PRRC2C: variants seen among roughly 807,000 people sequenced by gnomAD.
PRRC2C encodes protein PRRC2C.
A neutral mutation model predicts 317.2 loss-of-function variants in PRRC2C; 72 were observed. That is an observed-to-expected ratio of 0.23 (90% CI 0.19 to 0.28). The LOEUF (loss-of-function observed/expected upper bound fraction) is 0.28, where lower values mean the gene tolerates loss of function less well. PRRC2C is among the 10% of genes least tolerant of loss of function. The pLI is 1.00. For missense variants in PRRC2C, 3,074 were observed against 3,459.7 expected (o/e 0.89, Z 2.80); for synonymous variants, 1,296 against 1,205.9 (o/e 1.07, Z -1.55).
chr1:171,583,753 C>T (rs1167473992), intron 28 of PRRC2C, among the ~76,000 whole-genome samples: 1 of 152,110 alleles, frequency 6.6e-6, no homozygotes, highest in African/African-American at 2.4e-5. Flanking sequence ...GATATTAGAA[C>T]AGCTATGATG....
chr1:171,497,935 C>T (rs561425492), intron 1 of PRRC2C, among the ~76,000 whole-genome samples: 1 of 150,828 alleles, frequency 6.6e-6, no homozygotes, highest in South Asian at 2.1e-4. Context: ...CCATCTTGGC[C>T]TGCCAAGTAG....
Position 171,523,650 on chromosome 1 carries a change from T to C in PRRC2C, c.1055+128T>C, listed in dbSNP as rs115755487. ...TAGAATTTATATATTCTCAGAAGTT[T>C]TACTGAATAGAGGGTGCTTAATGAG... On this transcript the variant is annotated intron_variant, in intron 9 of 34. Transcript: ENST00000647382. 1.2e-3 allele frequency: 1,044 copies of C among 841,910 alleles called. 9 individuals are homozygous for C. The African/African-American group carries it at 0.014, about 11-fold the overall frequency. The allele number at this position is 841,910 out of a possible 1,614,324, so 52.2% of individuals were successfully genotyped here. A position where few individuals can be genotyped will look rare whatever the true frequency, so the allele number is the denominator to read the frequency against.
intron 30 of PRRC2C, among the ~76,000 whole-genome samples, chr1:171,585,739 C>G (rs1427455541): frequency 6.6e-6 from 1 of 152,172 alleles, no homozygotes; most frequent in Non-Finnish European, 1.5e-5. Context: ...TTTCTATTCT[C>G]TTCACTACAA....
At chr1:171,525,806 C>T (rs1195482962) in intron 10 of PRRC2C, among the ~76,000 whole-genome samples, 1 of 152,106 alleles carries the variant, frequency 6.6e-6, no homozygotes, top group Non-Finnish European at 1.5e-5. Flanking sequence ...ATAGCTGTTA[C>T]AAGCAGTGGA....
Position 171,574,757 on chromosome 1 carries a change from A to G in PRRC2C, c.6754-170A>G, listed in dbSNP as rs540283117. Among the ~76,000 whole-genome samples, 177 of 152,344 alleles carry G rather than the reference A, an allele frequency of 1.2e-3. 2 individuals are homozygous for G. The South Asian group carries it at 0.014, about 12-fold the overall frequency. On this transcript the variant is annotated intron_variant, in intron 24 of 34. Transcript: ENST00000647382. ...GAGCAAAGATAAAGAGGCAAATGGA[A>G]AGTCTGAAATCCCTAGGGTCTTAGG...
intron 1 of PRRC2C, chr1:171,509,444 A>T (rs1670893714): frequency 6.6e-6 from 1 of 152,210 alleles, no homozygotes; most frequent in Non-Finnish European, 1.5e-5. Flanking sequence ...GGAAGTGGGG[A>T]TAGGATGAAG....
chr1:171,588,923 C>T (rs1402687773), intron 33 of PRRC2C, among the ~76,000 whole-genome samples: 1 of 152,216 alleles, frequency 6.6e-6, no homozygotes, highest in Non-Finnish European at 1.5e-5. Context: ...GTTGGCTTCT[C>T]TTCCCCTTGC....
rs1572170515 is a variant in PRRC2C at position 171,588,516 on chromosome 1, A to G, written c.8199+11A>G. The G allele has an allele frequency of 6.2e-7, 1 of 1,612,126 alleles. No homozygotes were observed. The highest frequency in any genetic ancestry group is 8.5e-7 in the Non-Finnish European group (1 of 1,178,498). On this transcript the variant is annotated intron_variant, in intron 33 of 34. Coordinates refer to ENST00000647382, the MANE Select transcript of PRRC2C (RefSeq NM_001387844.1). ...CAGTTTGCACCCCAGGTGGGCAGACATAATTAAGAAATGAGTATTATTTAC... is the reference window on the plus strand; with the variant it reads ...CAGTTTGCACCCCAGGTGGGCAGACGTAATTAAGAAATGAGTATTATTTAC...
rs139995932 is a variant in PRRC2C at position 171,532,638 on chromosome 1, G to A, written c.1550G>A (p.Arg517His). 124 of 1,551,672 alleles carry A rather than the reference G, an allele frequency of 8.0e-5. No individual in the cohort carries two copies. The African/African-American group carries it at 1.2e-3, about 16-fold the overall frequency. ...REREREKEREREKELEKEQEQ... is the reference protein window; with the variant it reads ...REREREKEREHEKELEKEQEQ... ...AGGGAGCGAGAAAAAGAACGGGAGC[G>A]TGAGAAAGAACTTGAAAAAGAACAA... Residue 517 changes from arginine (R) to histidine (H), a missense_variant, in exon 12 of 35, where the codon CGT (arginine) becomes CAT (histidine). Around this residue, in one of 11 missense-constraint regions of PRRC2C, gnomAD observed 1,320 missense variants for 1,395.7 expected, o/e 0.95. Transcript: ENST00000647382.
chr1:171,540,623 G>A lies in PRRC2C; in HGVS notation c.3157G>A (p.Glu1053Lys). ...CACTGAAAAAGTAGTTGTAAAGCCT[G>A]AAAAGACGGAAAAGAAGGATCTTCC... is the stretch of plus-strand genomic sequence containing the variant. ...KVTEKVVVKP[E>K]KTEKKDLPPP... The change falls in exon 16 of 35, where the codon GAA becomes AAA. Residue 1053 changes from glutamate (E) to lysine (K), a missense_variant. Transcript: ENST00000647382. The A allele has an allele frequency of 1.9e-6, 3 of 1,613,910 alleles. No individual in the cohort carries two copies. Among genetic ancestry groups the A allele is most frequent in the Non-Finnish European group, 2.5e-6 (3 of 1,179,862 alleles).
chr1:171,523,206 C>A lies in PRRC2C; in HGVS notation c.834-15C>A. ...ATAAACTTTTGTATCTTTTCCATGA[C>A]CTGCCTTTCATTAGAGGCCTTCGAG... On this transcript the variant is annotated splice_polypyrimidine_tract_variant and intron_variant, in intron 7 of 34. Coordinates refer to ENST00000647382, the MANE Select transcript of PRRC2C (RefSeq NM_001387844.1). 6.3e-7 allele frequency: 1 copy of A among 1,590,222 alleles called. No individual in the cohort carries two copies. The highest frequency in any genetic ancestry group is 8.5e-7 in the Non-Finnish European group (1 of 1,171,880).
chr1:171,523,389 T>C (rs1329392923), intron 8 of PRRC2C, 35 bp downstream of exon 8: 8 of 1,613,692 alleles, frequency 5.0e-6, no homozygotes, highest in Non-Finnish European at 6.8e-6. Flanking sequence ...CTTTAAATTG[T>C]TAGATGCTTT....
rs569173206 is a variant in PRRC2C at position 171,567,781 on chromosome 1, C to G, written c.6559-466C>G. Among the ~76,000 whole-genome samples, 5 of 152,306 alleles carry G rather than the reference C, an allele frequency of 3.3e-5. No homozygotes were observed. The South Asian group carries it at 1.0e-3, about 32-fold the overall frequency. On this transcript the variant is annotated intron_variant, in intron 22 of 34. Transcript: ENST00000647382. ...AAATGCTATCATTTTGATCGTGAGT[C>G]CATGTTGTATTATTCCATTGTTAGT... is the stretch of plus-strand genomic sequence containing the variant.
chr1:171,535,354 A>C lies in PRRC2C; in HGVS notation c.1874-74A>C, dbSNP rs1265157104. 4 of 1,335,364 alleles carry C rather than the reference A, an allele frequency of 3.0e-6. No homozygotes were observed. In the Admixed American group the frequency reaches 7.7e-5, roughly 26 times the overall value. The allele number at this position is 1,335,364 out of a possible 1,614,324, so 82.7% of individuals were successfully genotyped here. ...TCCTCATTAACTTTTATTATACCTCAGTCTTTGTAAAAATCCTGTGTTTGA... is the reference window on the plus strand; with the variant it reads ...TCCTCATTAACTTTTATTATACCTCCGTCTTTGTAAAAATCCTGTGTTTGA... On this transcript the variant is annotated intron_variant, in intron 12 of 34. Transcript: ENST00000647382.
intron 18 of PRRC2C, among the ~76,000 whole-genome samples, chr1:171,556,273 C>G (rs936475866): frequency 1.3e-5 from 2 of 152,238 alleles, no homozygotes; most frequent in South Asian, 4.1e-4. Flanking sequence ...TTGCTAAGAC[C>G]GTTGGAAAAG....
intron 23 of PRRC2C, among the ~76,000 whole-genome samples, chr1:171,569,706 A>G (rs1029769222): frequency 1.3e-5 from 2 of 150,082 alleles, no homozygotes; most frequent in African/African-American, 2.4e-5. Context: ...CACTGTCTAG[A>G]TTATGAAATA....
At position 171,588,510 on chromosome 1, in the gene PRRC2C, G is replaced by A. The variant is rs748601368; in HGVS notation, c.8199+5G>A. 1.9e-5 allele frequency: 31 copies of A among 1,612,576 alleles called. No individual in the cohort carries two copies. Among genetic ancestry groups the A allele is most frequent in the Non-Finnish European group, 2.5e-5 (29 of 1,179,150 alleles). ...CCTACACAGTTTGCACCCCAGGTGGGCAGACATAATTAAGAAATGAGTATT... is the reference window on the plus strand; with the variant it reads ...CCTACACAGTTTGCACCCCAGGTGGACAGACATAATTAAGAAATGAGTATT... On this transcript the variant is annotated splice_donor_5th_base_variant and intron_variant, in intron 33 of 34. Coordinates refer to ENST00000647382, the MANE Select transcript of PRRC2C (RefSeq NM_001387844.1).
In PRRC2C at chr1:171,567,650, A is replaced by G. The variant is rs144225604; in HGVS notation, c.6559-597A>G. Among the ~76,000 whole-genome samples the G allele has an allele frequency of 4.4e-3, 672 of 152,330 alleles. 5 individuals are homozygous for G. The highest frequency in any genetic ancestry group is 0.014 in the African/African-American group (601 of 41,572). ...GGTAATTGATAGTAAGCTAAGAATG[A>G]ATGTGGGAAACACACAAAAGATTCT... is the stretch of plus-strand genomic sequence containing the variant. On this transcript the variant is annotated intron_variant, in intron 22 of 34. Transcript: ENST00000647382.
At chr1:171,588,800 G>T (rs781520867) in intron 33 of PRRC2C, among the ~76,000 whole-genome samples, 2 of 152,062 alleles carry the variant, frequency 1.3e-5, no homozygotes, top group Non-Finnish European at 2.9e-5. Context: ...TTCAGCGAAG[G>T]GTCCCAGTGC....
Sources: allele counts gnomAD v4.1 joint callset (sites outside exome capture counted in the v4.1 genomes callset), GRCh38; gene constraint gnomAD v4.1.1; regional missense constraint gnomAD v4.1.1; transcripts MANE v1.5; gene names NCBI Gene and HGNC (gene_info 2026-07-23, HGNC 2026-07-21).